CELA2A: variants seen among roughly 807,000 people sequenced by gnomAD.
CELA2A encodes the protein chymotrypsin like elastase 2A.
Under a neutral mutation model 35.3 loss-of-function variants are expected in CELA2A, and 31 were observed. The observed-to-expected ratio is 0.88, with a 90% CI of 0.66 to 1.19. CELA2A has a LOEUF of 1.19. CELA2A is among the 50% of genes most tolerant of loss of function. The pLI is 0.00. For synonymous variants in CELA2A, 150 were observed against 149.8 expected, an observed-to-expected ratio of 1.00 and a Z score of -0.01; for missense variants, 330 against 352.9, an observed-to-expected ratio of 0.94 and a Z score of 0.52.
At position 15,467,488 on chromosome 1, in the gene CELA2A, A is replaced by T; in HGVS notation, c.742A>T (p.Lys248Ter). 6.2e-7 allele frequency: 1 copy of T among 1,614,126 alleles called. No individual in the cohort carries two copies. Among genetic ancestry groups the T allele is most frequent in the Non-Finnish European group, 8.5e-7 (1 of 1,180,036 alleles). Reference sequence around the variant, plus strand: ...TCGCCTCGGCTGCAACTACTACCACAAGCCCTCCGTCTTCACGCGGGTCTC... The same window carrying T: ...TCGCCTCGGCTGCAACTACTACCACTAGCCCTCCGTCTTCACGCGGGTCTC... ...GSRLGCNYYH[K>*]PSVFTRVSNY... Residue 248 changes from lysine (K) to a stop codon, truncating the protein, a stop_gained, in exon 7 of 8, where the codon AAG (lysine) becomes TAG (stop). Coordinates refer to ENST00000359621, the MANE Select transcript of CELA2A (RefSeq NM_033440.3). LOFTEE classifies it high-confidence loss of function.
intron 3 of CELA2A, 42 bp from the exon 4 acceptor site, chr1:15,462,691 G>A (rs1255156227): frequency 1.9e-6 from 3 of 1,610,704 alleles, no homozygotes; most frequent in Non-Finnish European, 2.5e-6. Context: ...CCAAAGCCAG[G>A]CCTCTGGAGG....
chr1:15,464,399 T>C (rs1325875989), intron 5 of CELA2A, among the ~76,000 whole-genome samples: 10 of 152,088 alleles, frequency 6.6e-5, no homozygotes, highest in Admixed American at 3.3e-4. Context: ...CCAATGACAG[T>C]AGCCACCAAG....
At chr1:15,463,025 G>C in intron 4 of CELA2A, 164 bp downstream of exon 4, 1 of 1,148,888 alleles carries the variant, frequency 8.7e-7, no homozygotes, top group Non-Finnish European at 1.2e-6. Context: ...AAAGATGTCT[G>C]GGGTGGGGAT....
In CELA2A at chr1:15,462,800, G is replaced by A. The variant is rs768529968; in HGVS notation, c.295G>A (p.Ala99Thr). The A allele has an allele frequency of 1.9e-6, 3 of 1,614,028 alleles. No individual in the cohort carries two copies. The South Asian group carries it at 3.3e-5, about 18-fold the overall frequency. The change falls in exon 4 of 8, where the codon GCA becomes ACA. Residue 99 changes from alanine (A) to threonine (T), a missense_variant. Coordinates refer to ENST00000359621, the MANE Select transcript of CELA2A (RefSeq NM_033440.3). ...NLYVAESGSL[A>T]VSVSKIVVHK... ...CTACGTTGCGGAGTCCGGCTCGCTGGCAGTCAGTGTCTCTAAGATTGTGGT... is the reference window on the plus strand; with the variant it reads ...CTACGTTGCGGAGTCCGGCTCGCTGACAGTCAGTGTCTCTAAGATTGTGGT...
In CELA2A at chr1:15,465,997, A is replaced by G; in HGVS notation, c.494-2A>G. On this transcript the variant is annotated splice_acceptor_variant, in intron 5 of 7. Transcript: ENST00000359621. LOFTEE classifies it high-confidence loss of function. ...TAATGGCTTCTCTCTGATCTCATTC[A>G]GCCAACGGGGCTGTTCCTGATGTCC... 6.2e-7 allele frequency: 1 copy of G among 1,614,090 alleles called. No individual in the cohort carries two copies. The highest frequency in any genetic ancestry group is 8.5e-7 in the Non-Finnish European group (1 of 1,180,020).
At chr1:15,462,201 A>C in intron 3 of CELA2A, 1 of 469,702 alleles carries the variant, frequency 2.1e-6, no homozygotes, top group Non-Finnish European at 4.4e-6. Context: ...AACTCACCGG[A>C]GTTTCTGCCG....
At chr1:15,468,091 TAAA>T (rs35520894) in intron 7 of CELA2A, among the ~76,000 whole-genome samples, 19 of 86,432 alleles carry the variant, frequency 2.2e-4, no homozygotes, top group South Asian at 4.1e-4. Flanking sequence ...AAACTCCATC[TAAA>T]AAAAAAAAAA....
intron 2 of CELA2A, among the ~76,000 whole-genome samples, chr1:15,457,899 G>T (rs999272811): frequency 6.6e-6 from 1 of 152,150 alleles, no homozygotes; most frequent in African/African-American, 2.4e-5. Flanking sequence ...TGAAAAAAAT[G>T]TTTTCTTAAG....
intron 7 of CELA2A, among the ~76,000 whole-genome samples, chr1:15,468,872 G>T (rs1356491589): frequency 2.6e-5 from 4 of 152,030 alleles, no homozygotes; most frequent in Admixed American, 1.3e-4. Flanking sequence ...AAAGCAGCCA[G>T]AACAGGAAAC....
intron 7 of CELA2A, among the ~76,000 whole-genome samples, chr1:15,467,814 C>T (rs10927789): frequency 0.015 from 2,322 of 152,202 alleles, 48 homozygotes; most frequent in African/African-American, 0.045. Flanking sequence ...TTCCGCTGGG[C>T]GCCGTGGCTC....
intron 5 of CELA2A, among the ~76,000 whole-genome samples, chr1:15,465,000 TC>T (rs1356101488): frequency 1.4e-5 from 2 of 141,494 alleles, no homozygotes; most frequent in Admixed American, 7.9e-5. Flanking sequence ...ACACTTAACT[TC>T]CCTTTTTTTT....
At chr1:15,457,320 AT>A (rs1460858304) in intron 2 of CELA2A, 146 bp downstream of exon 2, 30 of 768,362 alleles carry the variant, frequency 3.9e-5, no homozygotes, top group Non-Finnish European at 6.3e-5. Flanking sequence ...TAGCAATAAG[AT>A]ATATTTCCGG....
At chr1:15,464,814 A>C (rs56043875) in intron 5 of CELA2A, among the ~76,000 whole-genome samples, 2,061 of 152,204 alleles carry the variant, frequency 0.014, 34 homozygotes, top group African/African-American at 0.047. Context: ...TTTTCGGCCC[A>C]GCTCTGTCAG....
At chr1:15,458,694 C>A (rs145523237) in intron 2 of CELA2A, among the ~76,000 whole-genome samples, 1,823 of 151,984 alleles carry the variant, frequency 0.012, 33 homozygotes, top group African/African-American at 0.041. Context: ...AGGTGGATCA[C>A]CTGAGGTCAG....
chr1:15,458,383 G>A (rs1244523579), intron 2 of CELA2A, among the ~76,000 whole-genome samples: 1 of 152,000 alleles, frequency 6.6e-6, no homozygotes, highest in African/African-American at 2.4e-5. Context: ...TATAAATAAC[G>A]ACTCTCTTTC....
chr1:15,462,099 G>T (rs908195126), intron 3 of CELA2A: 5 of 474,382 alleles, frequency 1.1e-5, no homozygotes, highest in African/African-American at 1.0e-4. Context: ...AGCTAATTCT[G>T]AATTATAGAT....
At chr1:15,463,871 T>C (rs7555994) in intron 5 of CELA2A, among the ~76,000 whole-genome samples, 132,251 of 151,374 alleles carry the variant, frequency 0.87, 57,832 homozygotes, top group Non-Finnish European at 0.9. Flanking sequence ...GGAGAAACTC[T>C]GTCTCTACTA....
Position 15,460,832 on chromosome 1 carries a change from C to G in CELA2A, c.130-729C>G, listed in dbSNP as rs534538125. 3.8e-3 allele frequency among the ~76,000 whole-genome samples: 566 copies of G among 149,614 alleles called. 2 individuals are homozygous for G. Among genetic ancestry groups the G allele is most frequent in the Non-Finnish European group, 5.8e-3 (391 of 67,576 alleles). On this transcript the variant is annotated intron_variant, in intron 2 of 7. Transcript: ENST00000359621. ...GACTATAGGCATGCACCGCCGCACC[C>G]AGCGGCTCATTTTGGGCTATTTTTG...
In CELA2A at chr1:15,461,892, G is replaced by A. The variant is rs1708440324; in HGVS notation, c.227+234G>A. 5.8e-6 allele frequency: 4 copies of A among 688,476 alleles called. No individual in the cohort carries two copies. In the Admixed American group the frequency reaches 6.1e-5, roughly 11 times the overall value. 42.6% of individuals were successfully genotyped at this position (688,476 alleles called of 1,614,324 possible). On this transcript the variant is annotated intron_variant, in intron 3 of 7. Transcript: ENST00000359621. Reference sequence around the variant, plus strand: ...AGGCACTGAGGGAGGATGAAGAGGAGGGGAAGGCCCAATCTCTGCCCTCTT... The same window carrying A: ...AGGCACTGAGGGAGGATGAAGAGGAAGGGAAGGCCCAATCTCTGCCCTCTT...
Sources: allele counts gnomAD v4.1 joint callset (sites outside exome capture counted in the v4.1 genomes callset), GRCh38; gene constraint gnomAD v4.1.1; transcripts MANE v1.5; gene names NCBI Gene and HGNC (gene_info 2026-07-23, HGNC 2026-07-21).